CHLSN: variants seen among roughly 807,000 people sequenced by gnomAD.
The protein encoded by CHLSN is cholesin.
chr7:1,018,237 C>A, the CHLSN span, among the ~76,000 whole-genome samples: 1 of 151,374 alleles, frequency 6.6e-6, no homozygotes, highest in Non-Finnish European at 1.5e-5. Flanking sequence ...GAAGTGAGAG[C>A]CGAGGCCCTA....
chr7:1,001,860 G>A, the CHLSN span, among the ~76,000 whole-genome samples: 3 of 98,192 alleles, frequency 3.1e-5, no homozygotes, highest in African/African-American at 1.3e-4. Flanking sequence ...GGTGAGTGGA[G>A]TCCTGTGGGT....
chr7:1,118,855 AT>A, the CHLSN span, among the ~76,000 whole-genome samples: 7 of 149,056 alleles, frequency 4.7e-5, no homozygotes, highest in South Asian at 4.2e-4. Flanking sequence ...ATTAAAGCAT[AT>A]TTTTTTTTAA....
chr7:1,113,482 G>A, the CHLSN span, among the ~76,000 whole-genome samples: 1 of 152,080 alleles, frequency 6.6e-6, no homozygotes, highest in African/African-American at 2.4e-5. Flanking sequence ...GACTTGCTTC[G>A]ACCGTCCACA....
At chr7:1,063,803 T>A in the CHLSN span, among the ~76,000 whole-genome samples, 1 of 152,256 alleles carries the variant, frequency 6.6e-6, no homozygotes, top group East Asian at 1.9e-4. Flanking sequence ...AGGTCCTTCC[T>A]GGTTTGATCT....
chr7:1,014,096 T>G, the CHLSN span, among the ~76,000 whole-genome samples: 14 of 152,156 alleles, frequency 9.2e-5, no homozygotes, highest in African/African-American at 2.9e-4. Flanking sequence ...AACGCGGCAC[T>G]CGTGCAGTCA....
At chr7:1,061,333 G>A in the CHLSN span, among the ~76,000 whole-genome samples, 5 of 152,068 alleles carry the variant, frequency 3.3e-5, no homozygotes, top group Non-Finnish European at 5.9e-5. Context: ...ACACAGGGCA[G>A]GCACATGCCT....
the CHLSN span, among the ~76,000 whole-genome samples, chr7:1,080,694 G>T: frequency 9.2e-5 from 14 of 152,272 alleles, no homozygotes; most frequent in Non-Finnish European, 1.8e-4. Flanking sequence ...AAAACTACAG[G>T]TTCTCGGCTA....
chr7:1,092,284 G>A, the CHLSN span: 44 of 1,611,688 alleles, frequency 2.7e-5, no homozygotes, highest in Admixed American at 5.0e-5. Context: ...GATGGCATCC[G>A]TGTCAGCCAC....
chr7:1,021,310 G>GT, the CHLSN span: 1 of 925,048 alleles, frequency 1.1e-6, no homozygotes, highest in Non-Finnish European at 1.3e-6. Flanking sequence ...CATGGGGCAG[G>GT]TTTCTTTCTT....
At chr7:1,073,244 C>T in the CHLSN span, among the ~76,000 whole-genome samples, 1 of 152,130 alleles carries the variant, frequency 6.6e-6, no homozygotes, top group Non-Finnish European at 1.5e-5. Flanking sequence ...GTGTGAATTT[C>T]AAAATACATA....
chr7:988,741 G>A, the CHLSN span: 5 of 1,599,318 alleles, frequency 3.1e-6, no homozygotes, highest in East Asian at 2.2e-5. Flanking sequence ...GCGTCAGTCC[G>A]GCCTCCCTGG....
chr7:1,024,183 C>T, the CHLSN span, among the ~76,000 whole-genome samples: 3 of 152,182 alleles, frequency 2.0e-5, no homozygotes, highest in Non-Finnish European at 2.9e-5. Context: ...TGTGAGCCCA[C>T]GGTGCACAGC....
chr7:1,135,071 T>G, the CHLSN span, among the ~76,000 whole-genome samples: 2 of 152,076 alleles, frequency 1.3e-5, no homozygotes, highest in Non-Finnish European at 2.9e-5. Flanking sequence ...TCCTTCCTTC[T>G]CTCTTGACAG....
chr7:1,013,629 G>A, the CHLSN span, among the ~76,000 whole-genome samples: 2 of 152,334 alleles, frequency 1.3e-5, no homozygotes, highest in Admixed American at 6.5e-5. Context: ...CGCTGTCAGG[G>A]CAAGAGTCTC....
At chr7:1,009,814 C>T in the CHLSN span, 3 of 764,296 alleles carry the variant, frequency 3.9e-6, no homozygotes, top group Non-Finnish European at 2.0e-6. Context: ...GGCGGCAGCA[C>T]AGGCCTGGCA....
chr7:986,849 A>G, the CHLSN span: 1 of 1,447,202 alleles, frequency 6.9e-7, no homozygotes, highest in South Asian at 1.4e-5. Context: ...CCTGAGGGAC[A>G]CCCCAGGGGA....
At chr7:1,040,985 C>G in the CHLSN span, among the ~76,000 whole-genome samples, 1 of 152,370 alleles carries the variant, frequency 6.6e-6, no homozygotes, top group African/African-American at 2.4e-5. Context: ...CCGGGGTCAA[C>G]CCGAAGCCAG....
At chr7:1,034,042 G>A in the CHLSN span, among the ~76,000 whole-genome samples, 1 of 152,240 alleles carries the variant, frequency 6.6e-6, no homozygotes, top group African/African-American at 2.4e-5. Context: ...GTTGATGCAG[G>A]AAATCTCAGA....
the CHLSN span, among the ~76,000 whole-genome samples, chr7:1,001,131 G>GT: frequency 6.6e-6 from 1 of 152,226 alleles, no homozygotes; most frequent in Non-Finnish European, 1.5e-5. Context: ...GGCGCTGTGG[G>GT]TAGGGCAGGG....
Sources: gnomAD v4.1 joint callset for allele counts (sites outside exome capture counted in the v4.1 genomes callset) on GRCh38, gnomAD v4.1.1 for gene constraint, MANE v1.5 for transcripts, NCBI Gene and HGNC (gene_info 2026-07-23, HGNC 2026-07-21) for gene names.